Variants in MAST4 observed in about 807,000 individuals in gnomAD.
The protein encoded by MAST4 is microtubule-associated serine/threonine-protein kinase 4.
A neutral mutation model predicts 162.7 loss-of-function variants in MAST4; 89 were observed. That is an observed-to-expected ratio of 0.55 (90% CI 0.46 to 0.65). The LOEUF (loss-of-function observed/expected upper bound fraction) is 0.65. MAST4 is among the 30% of genes least tolerant of loss of function. MAST4 has a pLI of 0.00. For missense variants in MAST4, 3,153 were observed against 3,374.0 expected, an observed-to-expected ratio of 0.93 and a Z score of 1.62; for synonymous variants, 1,479 against 1,361.1, an observed-to-expected ratio of 1.09 and a Z score of -1.91.
intron 3 of MAST4, among the ~76,000 whole-genome samples, chr5:66,821,633 G>A (rs1373201122): frequency 2.6e-5 from 4 of 152,204 alleles, no homozygotes; most frequent in Admixed American, 1.3e-4. Flanking sequence ...AAAGATTCAT[G>A]TCAACCTCAG....
intron 2 of MAST4, among the ~76,000 whole-genome samples, chr5:66,769,467 C>T (rs1194807580): frequency 2.6e-5 from 4 of 152,076 alleles, no homozygotes; most frequent in African/African-American, 4.8e-5. Context: ...GACGGGGATA[C>T]GTTTAGAGAA....
intron 3 of MAST4, among the ~76,000 whole-genome samples, chr5:66,862,505 G>A (rs1332505494): frequency 1.3e-5 from 2 of 152,158 alleles, no homozygotes; most frequent in African/African-American, 2.4e-5. Flanking sequence ...TCATTAATTT[G>A]AATCGATATG....
At chr5:67,037,800 T>C (rs1387581388) in intron 4 of MAST4, among the ~76,000 whole-genome samples, 2 of 152,168 alleles carry the variant, frequency 1.3e-5, no homozygotes. Flanking sequence ...ATTTGGGAGA[T>C]AGAGTTATCA....
At chr5:66,852,433 A>G (rs934724237) in intron 3 of MAST4, among the ~76,000 whole-genome samples, 45 of 152,186 alleles carry the variant, frequency 3.0e-4, no homozygotes, top group African/African-American at 1.1e-3. Context: ...GGTATGAGCC[A>G]CCGTGCCTGG....
intron 1 of MAST4, among the ~76,000 whole-genome samples, chr5:66,616,930 G>A (rs544558842): frequency 7.6e-4 from 115 of 152,272 alleles, no homozygotes; most frequent in African/African-American, 2.7e-3. Context: ...TCAATTATCT[G>A]TGTAATAACA....
chr5:66,952,164 G>A (rs1037119960), intron 4 of MAST4, among the ~76,000 whole-genome samples: 1 of 152,152 alleles, frequency 6.6e-6, no homozygotes, highest in Non-Finnish European at 1.5e-5. Context: ...GACCCATGTT[G>A]TCTGGGGAAG....
At chr5:66,782,146 A>G (rs535148790) in intron 2 of MAST4, among the ~76,000 whole-genome samples, 34 of 152,084 alleles carry the variant, frequency 2.2e-4, no homozygotes, top group African/African-American at 8.2e-4. Context: ...AAAATTAGGC[A>G]GGCATGGTGG....
intron 4 of MAST4, among the ~76,000 whole-genome samples, chr5:66,964,617 C>T (rs1746454043): frequency 1.3e-5 from 2 of 152,210 alleles, no homozygotes; most frequent in South Asian, 2.1e-4. Flanking sequence ...CTGGCTAACA[C>T]GGTGAAACCC....
intron 3 of MAST4, among the ~76,000 whole-genome samples, chr5:66,899,100 A>G (rs568836994): frequency 1.3e-5 from 2 of 152,378 alleles, no homozygotes; most frequent in African/African-American, 4.8e-5. Context: ...GAGTTTAAAT[A>G]GCCAAACGAC....
intron 1 of MAST4, among the ~76,000 whole-genome samples, chr5:66,640,987 T>C (rs1177145525): frequency 6.6e-6 from 1 of 152,192 alleles, no homozygotes; most frequent in East Asian, 1.9e-4. Flanking sequence ...TGAGCACCTG[T>C]TAGCCATTTG....
At chr5:67,127,355 T>A (rs1040604719) in intron 14 of MAST4, among the ~76,000 whole-genome samples, 1 of 152,096 alleles carries the variant, frequency 6.6e-6, no homozygotes, top group South Asian at 2.1e-4. Flanking sequence ...ATTCAGTATG[T>A]TATTGGCTGT....
chr5:66,720,324 C>G (rs143676714), intron 1 of MAST4, among the ~76,000 whole-genome samples: 45 of 151,786 alleles, frequency 3.0e-4, no homozygotes, highest in Non-Finnish European at 5.5e-4. Context: ...GTAACATTTT[C>G]AATAGCATAA....
intron 4 of MAST4, among the ~76,000 whole-genome samples, chr5:67,026,719 A>G (rs907556051): frequency 2.6e-5 from 4 of 152,190 alleles, no homozygotes; most frequent in South Asian, 2.1e-4. Context: ...ATAATTGTAA[A>G]TCATAGCCCC....
rs116190740 is a variant in MAST4, at chr5:66,878,832, G to C, written c.643-21119G>C. On this transcript the variant is annotated intron_variant, in intron 3 of 28. Coordinates refer to ENST00000403625, the MANE Select transcript of MAST4 (RefSeq NM_001164664.2). ...TATGGTTCCTAGCCCAGTTTACAAG[G>C]ATTTTTTGTCTCCGTTGGCTTTAAG... is the stretch of plus-strand genomic sequence containing the variant. Among the ~76,000 whole-genome samples, 398 of 152,256 alleles carry C rather than the reference G, an allele frequency of 2.6e-3. 3 individuals are homozygous for C. The highest frequency in any genetic ancestry group is 9.4e-3 in the African/African-American group (389 of 41,546).
chr5:66,754,513 T>A (rs1440289872), intron 1 of MAST4, among the ~76,000 whole-genome samples: 1 of 152,230 alleles, frequency 6.6e-6, no homozygotes, highest in Non-Finnish European at 1.5e-5. Flanking sequence ...ATTTTTTCAA[T>A]AATTAAAGCC....
At chr5:67,105,431 C>A (rs372565122) in intron 10 of MAST4, among the ~76,000 whole-genome samples, 1 of 152,158 alleles carries the variant, frequency 6.6e-6, no homozygotes, top group African/African-American at 2.4e-5. Context: ...ATTTAGCTGG[C>A]GAGATAAGAT....
In MAST4 at chr5:66,989,598, T is replaced by C. The variant is rs572799072; in HGVS notation, c.675-64806T>C. Among the ~76,000 whole-genome samples, 33 of 152,266 alleles carry C rather than the reference T, an allele frequency of 2.2e-4. 1 individual carries two copies. In the South Asian group the frequency reaches 6.6e-3, roughly 31 times the overall value. On this transcript the variant is annotated intron_variant, in intron 4 of 28. Transcript: ENST00000403625. ...GTGAATATGGTGAAGCATAATTTTT[T>C]CCCCACTGACATTTTGAAACCAGCT...
rs775033679 is a variant in MAST4 at position 67,104,528 on chromosome 5, C to T, written c.1309C>T (p.Arg437Ter). 5 of 1,613,766 alleles carry T rather than the reference C, an allele frequency of 3.1e-6. No homozygotes were observed. The highest frequency in any genetic ancestry group is 4.2e-6 in the Non-Finnish European group (5 of 1,179,786). ...ATCCCACCAGGGCCTCATCACCTCA[C>T]GATACTTCCTTGAATTACAGCACAA... ...DKSHQGLITS[R>*]YFLELQHKLD... The change falls in exon 10 of 29, where the codon CGA (arginine) becomes TGA (stop). Residue 437 changes from arginine to a stop codon, truncating the protein, a stop_gained. Coordinates refer to ENST00000403625, the MANE Select transcript of MAST4 (RefSeq NM_001164664.2). LOFTEE classifies it high-confidence loss of function.
At chr5:67,046,101 T>C (rs188792636) in intron 4 of MAST4, among the ~76,000 whole-genome samples, 2 of 152,290 alleles carry the variant, frequency 1.3e-5, no homozygotes, top group Admixed American at 6.5e-5. Context: ...TACAGGTTTG[T>C]AGCCTGGGGT....
Sources: gnomAD v4.1 joint callset for allele counts (sites outside exome capture counted in the v4.1 genomes callset) on GRCh38, gnomAD v4.1.1 for gene constraint, MANE v1.5 for transcripts, NCBI Gene and HGNC (gene_info 2026-07-23, HGNC 2026-07-21) for gene names.